The following ARHGEF3 variants were observed in gnomAD, a reference collection of about 807,000 sequenced individuals.
ARHGEF3 encodes the protein Rho guanine nucleotide exchange factor 3, also known as 59.8 kDA protein.
In ARHGEF3, 28 loss-of-function variants were observed where a neutral mutation model predicts 63.2. The ratio of observed to expected loss-of-function variants is 0.44; its 90% CI spans 0.33 to 0.61. ARHGEF3 has a LOEUF of 0.61. ARHGEF3 is among the 20% of genes least tolerant of loss of function. The pLI is 0.03. For synonymous variants in ARHGEF3, 266 were observed against 254.2 expected, an observed-to-expected ratio of 1.05 and a Z score of -0.44; for missense variants, 533 against 659.3, an observed-to-expected ratio of 0.81 and a Z score of 2.10.
At chr3:56,802,127 T>C (rs1239386431), upstream of ARHGEF3, among the ~76,000 whole-genome samples, 3 of 152,072 alleles carry the variant, frequency 2.0e-5, no homozygotes, top group East Asian at 1.9e-4. Context: ...GGGACCTCTC[T>C]CTCCCCGCTG....
intron 1 of ARHGEF3, among the ~76,000 whole-genome samples, chr3:57,048,099 G>A (rs1704534744): frequency 6.6e-6 from 1 of 152,048 alleles, no homozygotes; most frequent in Non-Finnish European, 1.5e-5. Context: ...GGCCTTCAGA[G>A]GATCCAGGTC....
At position 56,955,617 on chromosome 3, in the gene ARHGEF3, C is replaced by G. The variant is rs1183319938; in HGVS notation, c.129+3206G>C. ...GCTAGCATAGAGATTCTGAAACCTC[C>G]CTTTCTAAATAAAGAAGAAAGCAGA... is the stretch of plus-strand genomic sequence containing the variant. On this transcript the variant is annotated intron_variant, in intron 3 of 12. Coordinates refer to the ARHGEF3 transcript ENST00000338458. Among the ~76,000 whole-genome samples the G allele has an allele frequency of 3.3e-5, 5 of 152,310 alleles. No homozygotes were observed. The East Asian group carries it at 9.6e-4, about 29-fold the overall frequency.
At chr3:57,013,253 C>T (rs1452423277) in intron 2 of ARHGEF3, among the ~76,000 whole-genome samples, 1 of 152,182 alleles carries the variant, frequency 6.6e-6, no homozygotes, top group Non-Finnish European at 1.5e-5. Context: ...GGAGTACAGG[C>T]ATGCGGTGTG....
At chr3:57,006,101 C>G (rs1702457032) in intron 2 of ARHGEF3, among the ~76,000 whole-genome samples, 1 of 152,144 alleles carries the variant, frequency 6.6e-6, no homozygotes, top group Non-Finnish European at 1.5e-5. Flanking sequence ...CAGTTGGTGG[C>G]TTAATCAATG....
chr3:56,903,967 A>T (rs2041606091), intron 3 of ARHGEF3, among the ~76,000 whole-genome samples: 1 of 152,032 alleles, frequency 6.6e-6, no homozygotes, highest in Non-Finnish European at 1.5e-5. Context: ...TGGCTCAGGC[A>T]ATCCTCCTGC....
chr3:57,071,634 T>C (rs1418072397), intron 1 of ARHGEF3, among the ~76,000 whole-genome samples: 2 of 145,272 alleles, frequency 1.4e-5, no homozygotes, highest in Admixed American at 1.4e-4. Context: ...TACTCCAGCC[T>C]GGGTGAAAGA....
At chr3:56,966,560 G>A (rs1160444843) in intron 2 of ARHGEF3, among the ~76,000 whole-genome samples, 4 of 152,178 alleles carry the variant, frequency 2.6e-5, no homozygotes, top group Non-Finnish European at 2.9e-5. Context: ...GGCAAGGCTG[G>A]ACAGGGAAGC....
At chr3:57,012,851 C>G (rs987161822) in intron 2 of ARHGEF3, among the ~76,000 whole-genome samples, 1 of 152,198 alleles carries the variant, frequency 6.6e-6, no homozygotes, top group Non-Finnish European at 1.5e-5. Flanking sequence ...CGAGGTGAAG[C>G]TGGCTCCCTC....
At chr3:56,984,865 G>C (rs926447171) in intron 2 of ARHGEF3, among the ~76,000 whole-genome samples, 4 of 152,142 alleles carry the variant, frequency 2.6e-5, no homozygotes, top group Non-Finnish European at 5.9e-5. Flanking sequence ...AGTAGAAAAG[G>C]ATCCTTCCAG....
chr3:57,047,844 G>A (rs775364883), intron 1 of ARHGEF3, among the ~76,000 whole-genome samples: 12 of 152,220 alleles, frequency 7.9e-5, no homozygotes, highest in Admixed American at 1.3e-4. Flanking sequence ...GAAGCCTTCC[G>A]GAGCTGGGAT....
rs538149985 is a variant in ARHGEF3 at position 56,867,459 on chromosome 3, AT to A, written c.192+14832del. On this transcript the variant is annotated intron_variant, in intron 4 of 12. Transcript: ENST00000338458. ...GGGAGTGCCGAGGAGTTAAAATGCT[AT>A]TTATTTATTTATTTATTTATTTATT... is the stretch of plus-strand genomic sequence containing the variant. 5.3e-3 allele frequency among the ~76,000 whole-genome samples: 243 copies of A among 45,670 alleles called. 1 individual carries two copies. The highest frequency in any genetic ancestry group is 0.021 in the African/African-American group (233 of 11,144). 30.0% of individuals were successfully genotyped at this position (45,670 alleles called of 152,430 possible).
chr3:57,031,966 C>A (rs1703752536), intron 2 of ARHGEF3, among the ~76,000 whole-genome samples: 1 of 152,126 alleles, frequency 6.6e-6, no homozygotes, highest in Non-Finnish European at 1.5e-5. Flanking sequence ...TTTTATGTCT[C>A]TGAAATATAT....
At chr3:56,940,809 A>G (rs572414695) in intron 3 of ARHGEF3, 1 of 152,360 alleles carries the variant, frequency 6.6e-6, no homozygotes, top group East Asian at 1.9e-4. Context: ...CATGAGAGAC[A>G]TTCTTCGGGT....
chr3:56,801,806 G>A lies in ARHGEF3; in HGVS notation c.-8C>T. On this transcript the variant is annotated 5_prime_UTR_variant, in exon 1 of 10. Transcript: ENST00000296315. ...GTAATCCTTGGCCACCATGGCGGCT[G>A]CCGGGCCTGCCCTTTGGGATGTCAC... 1.9e-6 allele frequency: 3 copies of A among 1,556,356 alleles called. No individual in the cohort carries two copies. The highest frequency in any genetic ancestry group is 2.6e-6 in the Non-Finnish European group (3 of 1,149,074).
At chr3:56,792,272 T>A (rs936208682) in intron 1 of ARHGEF3, among the ~76,000 whole-genome samples, 3 of 152,178 alleles carry the variant, frequency 2.0e-5, no homozygotes, top group African/African-American at 7.2e-5. Context: ...TATGCACACA[T>A]ATAGGTTTAA....
chr3:56,993,741 T>C (rs1029011449), intron 2 of ARHGEF3, among the ~76,000 whole-genome samples: 3 of 151,374 alleles, frequency 2.0e-5, no homozygotes, highest in African/African-American at 7.3e-5. Context: ...GAAATATTCA[T>C]ATCTCATTAA....
chr3:57,052,973 G>GCTGC, intron 1 of ARHGEF3, among the ~76,000 whole-genome samples: 1 of 152,158 alleles, frequency 6.6e-6, no homozygotes, highest in African/African-American at 2.4e-5. Context: ...GCAGCCCAGG[G>GCTGC]TGTGGGTGCA....
intron 2 of ARHGEF3, among the ~76,000 whole-genome samples, chr3:56,761,541 A>C (rs1429166752): frequency 6.6e-6 from 1 of 152,116 alleles, no homozygotes; most frequent in African/African-American, 2.4e-5. Context: ...GAAGGCAGGC[A>C]TATCTACCTC....
At chr3:56,932,251 T>G (rs1423860965) in intron 3 of ARHGEF3, among the ~76,000 whole-genome samples, 1 of 152,108 alleles carries the variant, frequency 6.6e-6, no homozygotes, top group Non-Finnish European at 1.5e-5. Flanking sequence ...AATATAAAAT[T>G]AATACATGCA....
Sources: gnomAD v4.1 joint callset for allele counts (sites outside exome capture counted in the v4.1 genomes callset) on GRCh38, gnomAD v4.1.1 for gene constraint, MANE v1.5 for transcripts, NCBI Gene and HGNC (gene_info 2026-07-23, HGNC 2026-07-21) for gene names.